Variants in LRRC19 observed in about 807,000 individuals in gnomAD.
The protein encoded by LRRC19 is leucine-rich repeat-containing protein 19.
A neutral mutation model predicts 33.3 loss-of-function variants in LRRC19; 33 were observed. The observed-to-expected ratio is 0.99, with a 90% CI of 0.75 to 1.33. The LOEUF (loss-of-function observed/expected upper bound fraction) is 1.33. Among genes scored for constraint, LRRC19 ranks in the 40% most tolerant of loss-of-function variants. The pLI, the probability that LRRC19 is intolerant of heterozygous loss-of-function variation, is 0.00. For missense variants in LRRC19, 463 were observed against 417.3 expected (o/e 1.11, Z -0.95); for synonymous variants, 184 against 152.3 (o/e 1.21, Z -1.53).
Position 26,999,493 on chromosome 9 carries a change from A to G in LRRC19, c.81+121T>C, listed in dbSNP as rs1231231639. On this transcript the variant is annotated intron_variant, in intron 2 of 4. Transcript: ENST00000380055. ...GGAATTTGGATATACAGAGCTAAAT[A>G]AACTCTTAATTTTAGTAGGTCAGAT... 3 of 687,980 alleles carry G rather than the reference A, an allele frequency of 4.4e-6. No individual in the cohort carries two copies. The East Asian group carries it at 8.8e-5, about 20-fold the overall frequency. The allele number at this position is 687,980 out of a possible 1,614,324, so 42.6% of individuals were successfully genotyped here. A position where few individuals can be genotyped will look rare whatever the true frequency, so the allele number is the denominator to read the frequency against.
At chr9:26,998,721 C>T (rs1311172771) in intron 2 of LRRC19, among the ~76,000 whole-genome samples, 2 of 152,088 alleles carry the variant, frequency 1.3e-5, no homozygotes, top group Admixed American at 6.5e-5. Flanking sequence ...TGGTGGCTCA[C>T]GCCTGTAATC....
chr9:26,993,177 A>G lies in LRRC19; in HGVS notation c.*2344T>C, dbSNP rs547146117. On this transcript the variant is annotated 3_prime_UTR_variant, in exon 5 of 5. Coordinates refer to ENST00000380055, the MANE Select transcript of LRRC19 (RefSeq NM_022901.3). ...TAGTCAGATATTTATTGAATACCCCATATTCAACAGAGGCCCTTGAATATA... is the reference window on the plus strand; with the variant it reads ...TAGTCAGATATTTATTGAATACCCCGTATTCAACAGAGGCCCTTGAATATA... The G allele has an allele frequency of 2.6e-5, 4 of 152,322 alleles. No homozygotes were observed. Among genetic ancestry groups the G allele is most frequent in the South Asian group, 2.1e-4 (1 of 4,834 alleles). The allele number at this position is 152,322 out of a possible 1,614,324, so 9.4% of individuals were successfully genotyped here.
rs1200132623 is a variant in LRRC19, at chr9:27,005,592, CT to C, written c.-11del. ...AAAGCTATAAATATACATATCTTAC[CT>C]TTTTTTCTTTTGTCTCTAAGACTTG... On this transcript the variant is annotated splice_region_variant and 5_prime_UTR_variant, in exon 1 of 5. Coordinates refer to ENST00000380055, the MANE Select transcript of LRRC19 (RefSeq NM_022901.3). 1.3e-5 allele frequency: 2 copies of C among 151,404 alleles called. No individual in the cohort carries two copies. The highest frequency in any genetic ancestry group is 2.9e-5 in the Non-Finnish European group (2 of 67,886). 9.4% of individuals were successfully genotyped at this position (151,404 alleles called of 1,614,324 possible).
chr9:26,995,960 CA>C (rs1363758731), intron 4 of LRRC19, 111 bp from the exon 5 acceptor site: 4 of 786,460 alleles, frequency 5.1e-6, no homozygotes, highest in Non-Finnish European at 7.6e-6. Flanking sequence ...AATAAACATA[CA>C]TTGTAGTTTT....
At chr9:26,995,899 G>A (rs950813635) in intron 4 of LRRC19, 50 bp from the exon 5 acceptor site, 1 of 1,302,510 alleles carries the variant, frequency 7.7e-7, no homozygotes, top group South Asian at 1.5e-5. Flanking sequence ...TGTTAAGTTG[G>A]CAAAATAATC....
chr9:26,998,184 T>C lies in LRRC19; in HGVS notation c.139A>G (p.Lys47Glu). Residue 47 changes from lysine to glutamate, a missense_variant, in exon 3 of 5, where the codon AAA becomes GAA. Lys to Glu is a moderately conservative substitution (Grantham distance 56). Coordinates refer to ENST00000380055, the MANE Select transcript of LRRC19 (RefSeq NM_022901.3). ...CTGAGATCAAGTATAGTAACATCTT[T>C]CTTGATATCTGCTGGAATCAAGGTA... ...NYTLIPADIKKDVTILDLSYN... is the reference protein window; with the variant it reads ...NYTLIPADIKEDVTILDLSYN... 2 of 1,566,632 alleles carry C rather than the reference T, an allele frequency of 1.3e-6. No homozygotes were observed. The highest frequency in any genetic ancestry group is 1.7e-6 in the Non-Finnish European group (2 of 1,150,686).
rs1258775055 is a variant in LRRC19, at chr9:26,993,408, G to A, written c.*2113C>T. 2 of 152,294 alleles carry A rather than the reference G, an allele frequency of 1.3e-5. No individual in the cohort carries two copies. The allele number at this position is 152,294 out of a possible 1,614,324, so 9.4% of individuals were successfully genotyped here. On this transcript the variant is annotated 3_prime_UTR_variant, in exon 5 of 5. Transcript: ENST00000380055. ...ATAATTGATATATAAAGAAACATTA[G>A]CCATAATATACTTATATCCTTTGTT... is the stretch of plus-strand genomic sequence containing the variant.
Position 26,998,099 on chromosome 9 carries a change from A to G in LRRC19, c.224T>C (p.Leu75Pro). 6.2e-7 allele frequency: 1 copy of G among 1,613,516 alleles called. No individual in the cohort carries two copies. Among genetic ancestry groups the G allele is most frequent in the South Asian group, 1.1e-5 (1 of 91,034 alleles). Residue 75 changes from leucine (L) to proline (P), a missense_variant, in exon 3 of 5, where the codon CTC becomes CCC. By Grantham distance (98) the Leu-to-Pro change is moderately conservative. Coordinates refer to ENST00000380055, the MANE Select transcript of LRRC19 (RefSeq NM_022901.3). ...DTRVLQTYFL[L>P]TELYLIENKV... is the part of the protein sequence containing the mutation. ...GTTCTCAATCAAATAGAGCTCTGTG[A>G]GTAAAAAGTATGTCTGTAGAACTCT...
intron 1 of LRRC19, among the ~76,000 whole-genome samples, chr9:27,004,536 C>T (rs1239025045): frequency 6.6e-6 from 1 of 152,094 alleles, no homozygotes; most frequent in Admixed American, 6.6e-5. Context: ...CATTTGCTAG[C>T]ATTATTGGGT....
intron 1 of LRRC19, among the ~76,000 whole-genome samples, chr9:27,000,275 A>G (rs544882124): frequency 1.3e-5 from 2 of 152,310 alleles, no homozygotes; most frequent in South Asian, 4.1e-4. Context: ...AGGAGCTTTA[A>G]AGCAATTTAA....
chr9:27,003,234 T>G (rs1828595211), intron 1 of LRRC19, among the ~76,000 whole-genome samples: 1 of 151,998 alleles, frequency 6.6e-6, no homozygotes, highest in Non-Finnish European at 1.5e-5. Flanking sequence ...AAGTGTAAGA[T>G]CATGTCTGCC....
chr9:26,997,330 CTTTTTTT>C (rs773530183), intron 3 of LRRC19, among the ~76,000 whole-genome samples: 2 of 123,604 alleles, frequency 1.6e-5, no homozygotes, highest in Non-Finnish European at 3.4e-5. Flanking sequence ...GTTTCCTTTC[CTTTTTTT>C]TTTTTTTTTT....
chr9:27,001,652 A>G (rs1308697384), intron 1 of LRRC19, among the ~76,000 whole-genome samples: 1 of 151,904 alleles, frequency 6.6e-6, no homozygotes, highest in African/African-American at 2.4e-5. Flanking sequence ...TACTTGGATT[A>G]TTTGTTTTTT....
Position 26,994,923 on chromosome 9 carries a change from A to G in LRRC19, c.*598T>C, listed in dbSNP as rs898910741. 1 of 152,406 alleles carries G rather than the reference A, an allele frequency of 6.6e-6. No individual in the cohort carries two copies. The highest frequency in any genetic ancestry group is 1.5e-5 in the Non-Finnish European group (1 of 68,080). The allele number at this position is 152,406 out of a possible 1,614,324, so 9.4% of individuals were successfully genotyped here. A position where few individuals can be genotyped will look rare whatever the true frequency, so the allele number is the denominator to read the frequency against. On this transcript the variant is annotated 3_prime_UTR_variant, in exon 5 of 5. Coordinates refer to ENST00000380055, the MANE Select transcript of LRRC19 (RefSeq NM_022901.3). Reference sequence around the variant, plus strand: ...CAGCCTTTCTTTATAACCAGAATCAATAGTGACTTATTAGGGATTATGCCT... The same window carrying G: ...CAGCCTTTCTTTATAACCAGAATCAGTAGTGACTTATTAGGGATTATGCCT...
At chr9:26,999,770 C>CTTTTTTTTTTT (rs1179000269) in intron 1 of LRRC19, 67 bp from the exon 2 acceptor site, 32 of 340,168 alleles carry the variant, frequency 9.4e-5, no homozygotes, top group African/African-American at 4.2e-4. Flanking sequence ...TCTGTTTATT[C>CTTTTTTTTTTT]TTTTTTTTTT....
chr9:26,995,654 A>G lies in LRRC19; in HGVS notation c.980T>C (p.Leu327Pro). The G allele has an allele frequency of 1.2e-6, 2 of 1,613,910 alleles. No individual in the cohort carries two copies. The highest frequency in any genetic ancestry group is 8.5e-7 in the Non-Finnish European group (1 of 1,179,876). The part of the protein sequence containing the change: ...EDGFTGNPSS[L>P]SQIPETNSEE... ...AGAGTTTGTTTCTGGTATCTGTGAA[A>G]GAGAGCTTGGATTTCCAGTAAAACC... Residue 327 changes from leucine (L) to proline (P), a missense_variant, in exon 5 of 5, where the codon CTT becomes CCT. Transcript: ENST00000380055.
At chr9:26,996,573 T>C in intron 3 of LRRC19, 74 bp from the exon 4 acceptor site, 1 of 1,084,628 alleles carries the variant, frequency 9.2e-7, no homozygotes, top group Non-Finnish European at 1.2e-6. Context: ...TTGTTTTATC[T>C]AGAATTTTTG....
At position 26,995,354 on chromosome 9, in the gene LRRC19, C is replaced by T. The variant is rs1828087630; in HGVS notation, c.*167G>A. On this transcript the variant is annotated 3_prime_UTR_variant, in exon 5 of 5. Coordinates refer to ENST00000380055, the MANE Select transcript of LRRC19 (RefSeq NM_022901.3). ...AGGAGTGTCAGTTACTGTATTTGAACCTGCTTGCTCAATATAATGCAAAGA... is the reference window on the plus strand; with the variant it reads ...AGGAGTGTCAGTTACTGTATTTGAATCTGCTTGCTCAATATAATGCAAAGA... 1.8e-6 allele frequency: 1 copy of T among 542,490 alleles called. No individual in the cohort carries two copies. Among genetic ancestry groups the T allele is most frequent in the Non-Finnish European group, 3.3e-6 (1 of 304,062 alleles). The allele number at this position is 542,490 out of a possible 1,614,324, so 33.6% of individuals were successfully genotyped here.
intron 1 of LRRC19, among the ~76,000 whole-genome samples, chr9:27,003,690 CTA>C (rs1273571925): frequency 1.3e-5 from 2 of 152,194 alleles, no homozygotes; most frequent in Non-Finnish European, 2.9e-5. Flanking sequence ...CATTCCCCTT[CTA>C]CCTTTTCTCT....
Sources: gnomAD v4.1 joint callset for allele counts (sites outside exome capture counted in the v4.1 genomes callset) on GRCh38, gnomAD v4.1.1 for gene constraint, MANE v1.5 for transcripts, NCBI Gene and HGNC (gene_info 2026-07-23, HGNC 2026-07-21) for gene names.